The following MEF2C variants were observed in gnomAD, a reference collection of about 807,000 sequenced individuals.
MEF2C encodes the protein myocyte-specific enhancer factor 2C.
In MEF2C, 6 loss-of-function variants were observed where a neutral mutation model predicts 50.5. The observed-to-expected ratio is 0.12, with a 90% CI of 0.07 to 0.23. MEF2C has a LOEUF of 0.23. MEF2C is among the 10% of genes least tolerant of loss of function. The pLI is 1.00. For synonymous variants in MEF2C, 183 were observed against 228.0 expected, an observed-to-expected ratio of 0.80 and a Z score of 1.78; for missense variants, 276 against 605.0, an observed-to-expected ratio of 0.46 and a Z score of 5.70.
chr5:88,893,922 CGGACTA>C (rs1834853852), intron 1 of MEF2C, among the ~76,000 whole-genome samples: 1 of 152,128 alleles, frequency 6.6e-6, no homozygotes. Flanking sequence ...AGATTTCCTA[CGGACTA>C]TTACTTATTT....
chr5:88,851,419 C>T (rs1016046100), intron 1 of MEF2C, among the ~76,000 whole-genome samples: 1 of 151,986 alleles, frequency 6.6e-6, no homozygotes, highest in African/African-American at 2.4e-5. Flanking sequence ...CCCTAACCTC[C>T]ACATTGTTCA....
chr5:88,812,648 T>C (rs1261296861), intron 2 of MEF2C, among the ~76,000 whole-genome samples: 1 of 152,162 alleles, frequency 6.6e-6, no homozygotes, highest in Non-Finnish European at 1.5e-5. Flanking sequence ...ATTATCTCCC[T>C]ACATTCGACA....
chr5:88,821,180 A>G (rs1284418402), intron 2 of MEF2C, among the ~76,000 whole-genome samples: 1 of 151,970 alleles, frequency 6.6e-6, no homozygotes, highest in Non-Finnish European at 1.5e-5. Context: ...GATGAGGGTA[A>G]CAGCCACTGT....
intron 3 of MEF2C, among the ~76,000 whole-genome samples, chr5:88,789,759 A>G (rs1364377740): frequency 1.3e-5 from 2 of 152,168 alleles, no homozygotes; most frequent in East Asian, 1.9e-4. Flanking sequence ...TACACTAAAC[A>G]CCATTGAGAC....
At chr5:88,885,718 A>G (rs188287831), upstream of MEF2C, among the ~76,000 whole-genome samples, 1 of 152,344 alleles carries the variant, frequency 6.6e-6, no homozygotes, top group East Asian at 1.9e-4. Flanking sequence ...AAGGTCCTGA[A>G]AAAGCAAAGC....
intron 6 of MEF2C, chr5:88,748,824 C>T (rs1360230548): frequency 1.0e-6 from 1 of 985,210 alleles, no homozygotes; most frequent in Non-Finnish European, 1.2e-6. Flanking sequence ...TGGATCAGAG[C>T]CCTTAATTCT....
intron 1 of MEF2C, among the ~76,000 whole-genome samples, chr5:88,893,788 A>G (rs1834840432): frequency 6.6e-6 from 1 of 152,132 alleles, no homozygotes; most frequent in African/African-American, 2.4e-5. Flanking sequence ...GAGTTTCTAA[A>G]TTATTTTGTA....
intron 1 of MEF2C, among the ~76,000 whole-genome samples, chr5:88,832,533 G>C (rs1813464418): frequency 6.6e-6 from 1 of 152,072 alleles, no homozygotes. Flanking sequence ...TCAGGATTTA[G>C]AGCTCATTGA....
chr5:88,840,632 GT>G (rs200918842), intron 1 of MEF2C, among the ~76,000 whole-genome samples: 1 of 150,806 alleles, frequency 6.6e-6, no homozygotes, highest in African/African-American at 2.4e-5. Context: ...TAGAGAGTTT[GT>G]TTTTTTTTCT....
chr5:88,836,506 T>G (rs1399048156), intron 1 of MEF2C, among the ~76,000 whole-genome samples: 1 of 152,200 alleles, frequency 6.6e-6, no homozygotes, highest in East Asian at 1.9e-4. Flanking sequence ...TGTTTGGAAC[T>G]GAGGGGATAT....
intron 3 of MEF2C, among the ~76,000 whole-genome samples, chr5:88,777,723 ACT>A (rs1226463694): frequency 2.0e-5 from 3 of 152,112 alleles, no homozygotes; most frequent in African/African-American, 7.2e-5. Context: ...TGTTTTTCCT[ACT>A]ATTTTGCTAT....
intron 6 of MEF2C, chr5:88,739,663 A>C (rs564307902): frequency 1.0e-6 from 1 of 985,290 alleles, no homozygotes; most frequent in Non-Finnish European, 1.2e-6. Context: ...AATGCCTGAA[A>C]CCTTGTTACA....
At chr5:88,799,913 C>CACACAG (rs1266169497) in intron 3 of MEF2C, among the ~76,000 whole-genome samples, 49 of 63,668 alleles carry the variant, frequency 7.7e-4, no homozygotes, top group African/African-American at 2.4e-3. Context: ...CACACACACA[C>CACACAG]AGAGAGAGAG....
intron 6 of MEF2C, among the ~76,000 whole-genome samples, chr5:88,747,814 C>T (rs1770636100): frequency 1.3e-5 from 2 of 152,120 alleles, no homozygotes. Context: ...CCTCACCATT[C>T]TTTCTAATCA....
intron 1 of MEF2C, among the ~76,000 whole-genome samples, chr5:88,855,420 T>C (rs1233035839): frequency 2.0e-5 from 3 of 152,244 alleles, no homozygotes; most frequent in Non-Finnish European, 4.4e-5. Flanking sequence ...TGTTCACAGA[T>C]TATTTTTCTG....
At chr5:88,894,265 C>T (rs540287624) in intron 1 of MEF2C, among the ~76,000 whole-genome samples, 75 of 152,274 alleles carry the variant, frequency 4.9e-4, no homozygotes, top group African/African-American at 1.7e-3. Context: ...AAGTGCCAAA[C>T]GACATAAAAC....
chr5:88,819,644 C>G (rs1807299415), intron 2 of MEF2C, among the ~76,000 whole-genome samples: 1 of 151,932 alleles, frequency 6.6e-6, no homozygotes, highest in African/African-American at 2.4e-5. Flanking sequence ...TCCTATTATT[C>G]TTTCATAGCA....
At chr5:88,737,341 TAGAG>T in intron 6 of MEF2C, 1 of 985,416 alleles carries the variant, frequency 1.0e-6, no homozygotes, top group Non-Finnish European at 1.2e-6. Flanking sequence ...AATTTGTTTA[TAGAG>T]AGTTAATTAA....
At chr5:88,754,414 A>G (rs1387337365) in intron 4 of MEF2C, among the ~76,000 whole-genome samples, 1 of 152,088 alleles carries the variant, frequency 6.6e-6, no homozygotes, top group East Asian at 1.9e-4. Context: ...GTTTTCCTTA[A>G]CTCTACCCAT....
Sources: gnomAD v4.1 joint callset for allele counts (sites outside exome capture counted in the v4.1 genomes callset) on GRCh38, gnomAD v4.1.1 for gene constraint, MANE v1.5 for transcripts, NCBI Gene and HGNC (gene_info 2026-07-23, HGNC 2026-07-21) for gene names.